The following N4BP2 variants were observed in gnomAD, a reference collection of about 807,000 sequenced individuals.
N4BP2 encodes the protein NEDD4 binding protein 2, also known as NEDD4-binding protein 2.
A neutral mutation model predicts 152.8 loss-of-function variants in N4BP2; 91 were observed. The observed-to-expected ratio is 0.60, with a 90% confidence interval of 0.50 to 0.71. The LOEUF (loss-of-function observed/expected upper bound fraction) is 0.71. Ranked by LOEUF, N4BP2 falls within the 30% of genes least tolerant of loss-of-function variation. The pLI, the probability that N4BP2 is intolerant of heterozygous loss-of-function variation, is 0.00. For missense variants in N4BP2, 1,923 were observed against 2,059.1 expected (o/e 0.93, Z 1.28); for synonymous variants, 646 against 705.3 (o/e 0.92, Z 1.33).
chr4:40,140,594 A>G (rs1444003187), intron 14 of N4BP2, among the ~76,000 whole-genome samples: 2 of 151,786 alleles, frequency 1.3e-5, no homozygotes, highest in East Asian at 1.9e-4. Flanking sequence ...TTTTTTTAAA[A>G]TTAATTTATT....
In N4BP2 at chr4:40,090,952, A is replaced by AAAGGTGT. The variant is rs368159426; in HGVS notation, c.-114-6274_-114-6273insAGGTGTA. On this transcript the variant is annotated intron_variant, in intron 2 of 17. Coordinates refer to ENST00000261435, the MANE Select transcript of N4BP2 (RefSeq NM_018177.6). ...AGTCTCAAAAAAAAAAAAAAAAAAAAAGTTTATAAGATCCTATTGAGGTTA... is the reference window on the plus strand; with the variant it reads ...AGTCTCAAAAAAAAAAAAAAAAAAAAAAGGTGTAGTTTATAAGATCCTATTGAGGTTA... Among the ~76,000 whole-genome samples, 5 of 100,072 alleles carry AAAGGTGT rather than the reference A, an allele frequency of 5.0e-5. 1 individual carries two copies. The highest frequency in any genetic ancestry group is 7.2e-5 in the Non-Finnish European group (4 of 55,332). 65.7% of individuals were successfully genotyped at this position (100,072 alleles called of 152,430 possible).
intron 16 of N4BP2, among the ~76,000 whole-genome samples, chr4:40,145,434 G>A (rs749045255): frequency 6.6e-6 from 1 of 152,154 alleles, no homozygotes; most frequent in Non-Finnish European, 1.5e-5. Context: ...ATGTTGGCCA[G>A]GCTGGTCTTG....
Position 40,152,652 on chromosome 4 carries a change from G to A in N4BP2, c.5144-128G>A, listed in dbSNP as rs116667081. On this transcript the variant is annotated intron_variant, in intron 16 of 17. Coordinates refer to ENST00000261435, the MANE Select transcript of N4BP2 (RefSeq NM_018177.6). ...ATAGCAAATCTGTCTTACTATTACA[G>A]TTTTGAGATGGCAAACCCCAAAATC... 2,563 of 926,416 alleles carry A rather than the reference G, an allele frequency of 2.8e-3. 42 individuals carry two copies. In the African/African-American group the frequency reaches 0.038, roughly 14 times the overall value. 57.4% of individuals were successfully genotyped at this position (926,416 alleles called of 1,614,324 possible). A position where few individuals can be genotyped will look rare whatever the true frequency, so the allele number is the denominator to read the frequency against.
chr4:40,132,173 A>G (rs1047299531), intron 13 of N4BP2, among the ~76,000 whole-genome samples: 16 of 152,148 alleles, frequency 1.1e-4, no homozygotes, highest in African/African-American at 3.9e-4. Context: ...AAAATTAACA[A>G]CTATAACTAA....
the N4BP2 span, among the ~76,000 whole-genome samples, chr4:40,181,831 C>T: frequency 6.6e-6 from 1 of 152,206 alleles, no homozygotes; most frequent in African/African-American, 2.4e-5. Flanking sequence ...CACCGGTAGT[C>T]CCAACTACTA....
the N4BP2 span, among the ~76,000 whole-genome samples, chr4:40,179,278 G>A: frequency 6.6e-6 from 1 of 152,150 alleles, no homozygotes; most frequent in East Asian, 1.9e-4. Context: ...GCTGAGGCAG[G>A]AGAATGGCAT....
At chr4:40,139,952 A>G (rs1260986482) in intron 14 of N4BP2, among the ~76,000 whole-genome samples, 5 of 149,824 alleles carry the variant, frequency 3.3e-5, no homozygotes, top group Non-Finnish European at 7.4e-5. Context: ...GGCATGAACC[A>G]CCACACCTGG....
intron 1 of N4BP2, among the ~76,000 whole-genome samples, chr4:40,072,820 G>C (rs1712344508): frequency 6.6e-6 from 1 of 150,876 alleles, no homozygotes; most frequent in Non-Finnish European, 1.5e-5. Flanking sequence ...CTGCCTCCCA[G>C]GTGATTCTCC....
intron 16 of N4BP2, among the ~76,000 whole-genome samples, chr4:40,151,808 G>A (rs1579160829): frequency 6.6e-6 from 1 of 152,290 alleles, no homozygotes; most frequent in African/African-American, 2.4e-5. Flanking sequence ...AATTAGAAAT[G>A]CAAGAGCAAC....
At chr4:40,174,209 TC>T in the N4BP2 span, among the ~76,000 whole-genome samples, 115 of 152,026 alleles carry the variant, frequency 7.6e-4, no homozygotes, top group Non-Finnish European at 1.1e-3. Context: ...AGACACTGTC[TC>T]TACAAAAAAT....
chr4:40,136,839 C>A, intron 13 of N4BP2, 105 bp from the exon 14 acceptor site: 2 of 791,824 alleles, frequency 2.5e-6, no homozygotes, highest in Non-Finnish European at 3.8e-6. Flanking sequence ...AAAAGTAAGC[C>A]AGTTTTTCAT....
chr4:40,058,379 A>G (rs903204894), intron 1 of N4BP2, among the ~76,000 whole-genome samples: 4 of 152,158 alleles, frequency 2.6e-5, no homozygotes, highest in Non-Finnish European at 4.4e-5. Context: ...AACAGTTTTG[A>G]GTTTCGCTGC....
At chr4:40,188,016 G>A in the N4BP2 span, among the ~76,000 whole-genome samples, 10 of 152,182 alleles carry the variant, frequency 6.6e-5, no homozygotes, top group Admixed American at 1.3e-4. Flanking sequence ...AAAGGAAAAG[G>A]TTTCTTCTGG....
intron 2 of N4BP2, among the ~76,000 whole-genome samples, chr4:40,094,226 T>G (rs1714898743): frequency 6.6e-6 from 1 of 152,234 alleles, no homozygotes; most frequent in East Asian, 1.9e-4. Flanking sequence ...ATATCAATTG[T>G]TTTAAATTTG....
intron 15 of N4BP2, 26 bp downstream of exon 15, chr4:40,142,887 T>A (rs747395304): frequency 6.3e-7 from 1 of 1,595,492 alleles, no homozygotes; most frequent in Non-Finnish European, 8.6e-7. Context: ...GATTATATAT[T>A]TTTTGTCAGT....
In N4BP2 at chr4:40,120,772, A is replaced by T. The variant is rs1339081497; in HGVS notation, c.2661A>T (p.Ser887=). Residue 887 remains serine, a synonymous_variant, in exon 9 of 18, where the codon TCA becomes TCT. Coordinates refer to ENST00000261435, the MANE Select transcript of N4BP2 (RefSeq NM_018177.6). ...NSFNIMGDWP[S]SDSLAQREHR... ...TCAACATTATGGGTGACTGGCCTTC[A>T]TCTGATTCTTTAGCTCAGAGGGAAC... 1 of 1,614,078 alleles carries T rather than the reference A, an allele frequency of 6.2e-7. No homozygotes were observed. The highest frequency in any genetic ancestry group is 1.3e-5 in the African/African-American group (1 of 74,938).
At chr4:40,086,571 C>G (rs1713981420) in intron 2 of N4BP2, among the ~76,000 whole-genome samples, 4 of 151,792 alleles carry the variant, frequency 2.6e-5, no homozygotes, top group Non-Finnish European at 2.9e-5. Flanking sequence ...TGCCTGACCT[C>G]AAGTAATCCA....
At chr4:40,061,003 C>T (rs1004294) in intron 1 of N4BP2, among the ~76,000 whole-genome samples, 3,141 of 151,942 alleles carry the variant, frequency 0.021, 110 homozygotes, top group African/African-American at 0.071. Flanking sequence ...TAAATTGAGA[C>T]GGGGTGTTGC....
rs888410359 is a variant in N4BP2 at position 40,121,970 on chromosome 4, A to G, written c.3859A>G (p.Ile1287Val). 1.9e-6 allele frequency: 3 copies of G among 1,557,660 alleles called. No individual in the cohort carries two copies. The highest frequency in any genetic ancestry group is 2.6e-6 in the Non-Finnish European group (3 of 1,153,216). ...NIHSPSHFSD[I>V]FNFVSSTSNL... ...ACATTCTCCTTCACATTTCTCTGAT[A>G]TTTTTAACTTTGTATCTAGTACTTC... The change falls in exon 9 of 18, where the codon ATT becomes GTT. Residue 1287 changes from isoleucine (I) to valine (V), a missense_variant. By Grantham distance (29) the Ile-to-Val change is conservative. Transcript: ENST00000261435.
Sources: gnomAD v4.1 joint callset for allele counts (sites outside exome capture counted in the v4.1 genomes callset) on GRCh38, gnomAD v4.1.1 for gene constraint, MANE v1.5 for transcripts, NCBI Gene and HGNC (gene_info 2026-07-23, HGNC 2026-07-21) for gene names.